The following SPEM2 variants were observed in gnomAD, a reference collection of about 807,000 sequenced individuals.
SPEM2 encodes the protein SPEM family member 2, also known as uncharacterized protein SPEM2.
Under a neutral mutation model 9.3 loss-of-function variants are expected in SPEM2, and 15 were observed. The observed-to-expected ratio is 1.62, with a 90% CI of 1.08 to 2.50. The LOEUF is 2.50. SPEM2 is among the 30% of genes most tolerant of loss of function. The pLI is 0.00. For missense variants in SPEM2, 678 were observed against 690.0 expected (o/e 0.98, Z 0.19); for synonymous variants, 268 against 272.4 (o/e 0.98, Z 0.16).
Position 7,425,658 on chromosome 17 carries a change from G to A in SPEM2, c.-31G>A, listed in dbSNP as rs773241498. ...GGCCGGGGGTGGGGGGCAGAGGGGG[G>A]TGGCCCAGGTGGCCCTAGGACCCCC... On this transcript the variant is annotated 5_prime_UTR_variant, in exon 1 of 3. The change creates a new upstream start codon in the 5' untranslated region. Transcript: ENST00000333870. 1.7e-5 allele frequency: 28 copies of A among 1,606,026 alleles called. No individual in the cohort carries two copies. Among genetic ancestry groups the A allele is most frequent in the Non-Finnish European group, 1.1e-5 (13 of 1,175,748 alleles).
rs1313621093 is a variant in SPEM2 at position 7,426,120 on chromosome 17, C to T, written c.197-68C>T. ...CTGACAATGGCCCTAGAAACCCAGGCCCCAGTGTTCCCAACCTTGAGCTCT... is the reference window on the plus strand; with the variant it reads ...CTGACAATGGCCCTAGAAACCCAGGTCCCAGTGTTCCCAACCTTGAGCTCT... On this transcript the variant is annotated intron_variant, in intron 2 of 2. Coordinates refer to ENST00000333870, the MANE Select transcript of SPEM2 (RefSeq NM_175734.5). The surrounding 1 kb of genome is among the most constrained non-coding windows in gnomAD (Gnocchi z 5.3). 2 of 1,612,742 alleles carry T rather than the reference C, an allele frequency of 1.2e-6. No individual in the cohort carries two copies. The highest frequency in any genetic ancestry group is 1.7e-6 in the Non-Finnish European group (2 of 1,178,924).
chr17:7,427,384 G>A lies in SPEM2; in HGVS notation c.1393G>A (p.Glu465Lys), dbSNP rs1907672363. 2 of 1,613,860 alleles carry A rather than the reference G, an allele frequency of 1.2e-6. No homozygotes were observed. The highest frequency in any genetic ancestry group is 2.7e-5 in the African/African-American group (2 of 74,922). Reference protein sequence around the residue: ...NANYQVYDSLELKRQVQKSRA... With the variant: ...NANYQVYDSLKLKRQVQKSRA... ...CAACTACCAGGTGTACGACAGCCTG[G>A]AGCTGAAGCGGCAGGTGCAGAAGAG... The change falls in exon 3 of 3, where the codon GAG becomes AAG. Residue 465 changes from glutamate to lysine, a missense_variant. Coordinates refer to ENST00000333870, the MANE Select transcript of SPEM2 (RefSeq NM_175734.5). The surrounding 1 kb of genome is among the most constrained non-coding windows in gnomAD (Gnocchi z 5.4).
In SPEM2 at chr17:7,426,798, C is replaced by T. The variant is rs377761393; in HGVS notation, c.807C>T (p.Gly269=). 6.2e-7 allele frequency: 1 copy of T among 1,604,140 alleles called. No individual in the cohort carries two copies. The highest frequency in any genetic ancestry group is 8.5e-7 in the Non-Finnish European group (1 of 1,174,492). ...ACGGTTCCCAATCCCGACTGTGGGG[C>T]AATGTGGAGGCTGAGCAGTGGGCCT... ...GRHGSQSRLW[G]NVEAEQWASS... Residue 269 remains glycine, a synonymous_variant, in exon 3 of 3, where the codon GGC becomes GGT. Coordinates refer to ENST00000333870, the MANE Select transcript of SPEM2 (RefSeq NM_175734.5). This position sits in a 1 kb window ranked among gnomAD's most constrained non-coding sequence, Gnocchi z 5.3.
In SPEM2 at chr17:7,427,281, G is replaced by A; in HGVS notation, c.1290G>A (p.Trp430Ter). The A allele has an allele frequency of 6.2e-7, 1 of 1,614,070 alleles. No homozygotes were observed. Among genetic ancestry groups the A allele is most frequent in the East Asian group, 2.2e-5 (1 of 44,866 alleles). Residue 430 changes from tryptophan (W) to a stop codon, truncating the protein, a stop_gained, in exon 3 of 3, where the codon TGG becomes TGA. Transcript: ENST00000333870. LOFTEE classifies it high-confidence loss of function. This position sits in a 1 kb window ranked among gnomAD's most constrained non-coding sequence, Gnocchi z 5.4. ...SVLVPHSSQP[W>*]PKVQAADPAP... Reference sequence around the variant, plus strand: ...TGGTCCCCCATTCCTCCCAGCCCTGGCCCAAAGTCCAGGCTGCGGACCCTG... The same window carrying A: ...TGGTCCCCCATTCCTCCCAGCCCTGACCCAAAGTCCAGGCTGCGGACCCTG...
chr17:7,427,257 G>C lies in SPEM2; in HGVS notation c.1266G>C (p.Leu422=), dbSNP rs777593959. 2 of 1,614,192 alleles carry C rather than the reference G, an allele frequency of 1.2e-6. No individual in the cohort carries two copies. The highest frequency in any genetic ancestry group is 1.7e-5 in the Admixed American group (1 of 60,018). ...GGACCCCAGCTCCAAGCTCAGTGCT[G>C]GTCCCCCATTCCTCCCAGCCCTGGC... The part of the protein sequence containing the change: ...HQRTPAPSSV[L]VPHSSQPWPK... Residue 422 remains leucine (L), a synonymous_variant, in exon 3 of 3, where the codon CTG becomes CTC. Transcript: ENST00000333870. The surrounding 1 kb of genome is among the most constrained non-coding windows in gnomAD (Gnocchi z 5.4).
chr17:7,425,745 C>T lies in SPEM2; in HGVS notation c.57C>T (p.Ser19=). 1.2e-6 allele frequency: 2 copies of T among 1,614,176 alleles called. No individual in the cohort carries two copies. Among genetic ancestry groups the T allele is most frequent in the Non-Finnish European group, 1.7e-6 (2 of 1,180,000 alleles). The change falls in exon 1 of 3, where the codon AGC becomes AGT. Residue 19 remains serine, a synonymous_variant. Transcript: ENST00000333870. Reference sequence around the variant, plus strand: ...GATGTTGCAATCAATACCAAGAAAGCCCCCACGATGCCGAGGACATCTTAC... The same window carrying T: ...GATGTTGCAATCAATACCAAGAAAGTCCCCACGATGCCGAGGACATCTTAC... ...TVRCCNQYQE[S]PHDAEDILLL...
chr17:7,427,139 G>A lies in SPEM2; in HGVS notation c.1148G>A (p.Arg383His), dbSNP rs372541199. ...TCCCAGGACCCCCGTGAGGTGCGGC[G>A]TCGGGCAGCTGACTGGGCTGAGGCT... The part of the protein sequence containing the change: ...YSSQDPREVR[R>H]RAADWAEALP... Residue 383 changes from arginine to histidine, a missense_variant, in exon 3 of 3, where the codon CGT becomes CAT. Arg to His is a conservative substitution (Grantham distance 29). Coordinates refer to ENST00000333870, the MANE Select transcript of SPEM2 (RefSeq NM_175734.5). This position sits in a 1 kb window ranked among gnomAD's most constrained non-coding sequence, Gnocchi z 5.4. The A allele has an allele frequency of 3.4e-5, 55 of 1,613,410 alleles. No individual in the cohort carries two copies. Among genetic ancestry groups the A allele is most frequent in the African/African-American group, 1.2e-4 (9 of 75,052 alleles).
Position 7,425,669 on chromosome 17 carries a change from G to A in SPEM2, c.-20G>A. 1.2e-6 allele frequency: 2 copies of A among 1,610,866 alleles called. No homozygotes were observed. Among genetic ancestry groups the A allele is most frequent in the Non-Finnish European group, 1.7e-6 (2 of 1,178,062 alleles). On this transcript the variant is annotated 5_prime_UTR_variant, in exon 1 of 3. Coordinates refer to ENST00000333870, the MANE Select transcript of SPEM2 (RefSeq NM_175734.5). ...GGGGGCAGAGGGGGGTGGCCCAGGTGGCCCTAGGACCCCCCCTCCATGGAA... is the reference window on the plus strand; with the variant it reads ...GGGGGCAGAGGGGGGTGGCCCAGGTAGCCCTAGGACCCCCCCTCCATGGAA...
In SPEM2 at chr17:7,427,339, C is replaced by T. The variant is rs201127764; in HGVS notation, c.1348C>T (p.Arg450Trp). Residue 450 changes from arginine (R) to tryptophan (W), a missense_variant, in exon 3 of 3, where the codon CGG becomes TGG. Transcript: ENST00000333870. This position sits in a 1 kb window ranked among gnomAD's most constrained non-coding sequence, Gnocchi z 5.4. ...PPPTMFVPLS[R>W]NPGGNANYQV... The stretch of plus-strand genomic sequence containing the variant: ...CCCGACCATGTTTGTCCCACTCAGC[C>T]GGAATCCAGGGGGCAATGCCAACTA... 115 of 1,614,094 alleles carry T rather than the reference C, an allele frequency of 7.1e-5. No homozygotes were observed. Among genetic ancestry groups the T allele is most frequent in the Middle Eastern group, 1.6e-4 (1 of 6,062 alleles).
In SPEM2 at chr17:7,425,700, G is replaced by A. The variant is rs756789922; in HGVS notation, c.12G>A (p.Gln4=). 6.2e-7 allele frequency: 1 copy of A among 1,613,886 alleles called. No homozygotes were observed. Among genetic ancestry groups the A allele is most frequent in the African/African-American group, 1.3e-5 (1 of 74,918 alleles). The change falls in exon 1 of 3, where the codon CAG becomes CAA. Residue 4 remains glutamine (Q), a synonymous_variant. Transcript: ENST00000333870. The stretch of plus-strand genomic sequence containing the variant: ...AGGACCCCCCCTCCATGGAAAACCA[G>A]CTATGGCATAACACCGTGAGATGTT... MEN[Q]LWHNTVRCCN...
In SPEM2 at chr17:7,426,303, C is replaced by A; in HGVS notation, c.312C>A (p.Tyr104Ter). The A allele has an allele frequency of 1.2e-6, 2 of 1,614,170 alleles. No homozygotes were observed. Among genetic ancestry groups the A allele is most frequent in the South Asian group, 2.2e-5 (2 of 91,084 alleles). ...TGAAGATGTCCCGACCCACGCAGTA[C>A]TCCTCTTTCTCCTGCCACCATTTCT... is the stretch of plus-strand genomic sequence containing the variant. ...VQVKMSRPTQ[Y>*]SSFSCHHFSN... The change falls in exon 3 of 3, where the codon TAC (tyrosine) becomes TAA (stop). Residue 104 changes from tyrosine to a stop codon, truncating the protein, a stop_gained. Transcript: ENST00000333870. LOFTEE classifies it low-confidence loss of function (END_TRUNC). This position sits in a 1 kb window ranked among gnomAD's most constrained non-coding sequence, Gnocchi z 5.3.
In SPEM2 at chr17:7,427,133, T is replaced by G; in HGVS notation, c.1142T>G (p.Val381Gly). 6.2e-7 allele frequency: 1 copy of G among 1,611,436 alleles called. No individual in the cohort carries two copies. The change falls in exon 3 of 3, where the codon GTG (valine) becomes GGG (glycine). Residue 381 changes from valine to glycine, a missense_variant. Transcript: ENST00000333870. This position sits in a 1 kb window ranked among gnomAD's most constrained non-coding sequence, Gnocchi z 5.4. ...LGYSSQDPRE[V>G]RRRAADWAEA... ...TACAGCTCCCAGGACCCCCGTGAGG[T>G]GCGGCGTCGGGCAGCTGACTGGGCT...
chr17:7,426,525 G>A lies in SPEM2; in HGVS notation c.534G>A (p.Gln178=). The change falls in exon 3 of 3, where the codon CAG becomes CAA. Residue 178 remains glutamine (Q), a synonymous_variant. Transcript: ENST00000333870. The surrounding 1 kb of genome is among the most constrained non-coding windows in gnomAD (Gnocchi z 5.3). Reference sequence around the variant, plus strand: ...TACACCGAGTGCCTTTCTTTGATCAGGAGGACCCGGATTCCTACCTGGAGG... The same window carrying A: ...TACACCGAGTGCCTTTCTTTGATCAAGAGGACCCGGATTCCTACCTGGAGG... ...SQLHRVPFFD[Q]EDPDSYLEEE... 6.2e-7 allele frequency: 1 copy of A among 1,614,134 alleles called. No homozygotes were observed. The highest frequency in any genetic ancestry group is 8.5e-7 in the Non-Finnish European group (1 of 1,180,040).
chr17:7,426,475 C>T lies in SPEM2; in HGVS notation c.484C>T (p.His162Tyr), dbSNP rs368240930. 9.3e-6 allele frequency: 15 copies of T among 1,613,910 alleles called. No homozygotes were observed. Among genetic ancestry groups the T allele is most frequent in the African/African-American group, 5.3e-5 (4 of 74,934 alleles). Residue 162 changes from histidine (H) to tyrosine (Y), a missense_variant, in exon 3 of 3, where the codon CAT becomes TAT. Physicochemically the swap from His to Tyr is moderately conservative, Grantham distance 83. Transcript: ENST00000333870. The surrounding 1 kb of genome is among the most constrained non-coding windows in gnomAD (Gnocchi z 5.3). ...TAGCCACTCAGTCTTCCGTAACCCACATCGCAGCCAAAAGATGTCACAACT... is the reference window on the plus strand; with the variant it reads ...TAGCCACTCAGTCTTCCGTAACCCATATCGCAGCCAAAAGATGTCACAACT... The part of the protein sequence containing the change: ...PHSHSVFRNP[H>Y]RSQKMSQLHR...
rs776244852 is a variant in SPEM2, at chr17:7,427,507, G to A, written c.*10G>A. ...CGAGAAACTCAACTGACCAGCAGGCGGATGTGGGGTGTGGGGCAGGGCATG... is the reference window on the plus strand; with the variant it reads ...CGAGAAACTCAACTGACCAGCAGGCAGATGTGGGGTGTGGGGCAGGGCATG... On this transcript the variant is annotated 3_prime_UTR_variant, in exon 3 of 3. Coordinates refer to ENST00000333870, the MANE Select transcript of SPEM2 (RefSeq NM_175734.5). The surrounding 1 kb of genome is among the most constrained non-coding windows in gnomAD (Gnocchi z 5.4). 1.9e-5 allele frequency: 30 copies of A among 1,556,362 alleles called. No individual in the cohort carries two copies. Among genetic ancestry groups the A allele is most frequent in the East Asian group, 1.6e-4 (7 of 44,328 alleles).
At position 7,427,028 on chromosome 17, in the gene SPEM2, A is replaced by G. The variant is rs1485153533; in HGVS notation, c.1037A>G (p.Gln346Arg). ...GGCTGCCGGGAGCACCACTCCCCAC[A>G]GTCCCACCAGCAGAGCCTGCTTGGT... Reference protein sequence around the residue: ...AQGCREHHSPQSHQQSLLGHA... With the variant: ...AQGCREHHSPRSHQQSLLGHA... Residue 346 changes from glutamine to arginine, a missense_variant, in exon 3 of 3, where the codon CAG (glutamine) becomes CGG (arginine). Physicochemically the swap from Gln to Arg is conservative, Grantham distance 43. Coordinates refer to ENST00000333870, the MANE Select transcript of SPEM2 (RefSeq NM_175734.5). This position sits in a 1 kb window ranked among gnomAD's most constrained non-coding sequence, Gnocchi z 5.4. 1 of 1,611,980 alleles carries G rather than the reference A, an allele frequency of 6.2e-7. No individual in the cohort carries two copies. The highest frequency in any genetic ancestry group is 1.1e-5 in the South Asian group (1 of 91,070).
In SPEM2 at chr17:7,427,494, C is replaced by T; in HGVS notation, c.1503C>T (p.Asn501=). 1 of 1,566,740 alleles carries T rather than the reference C, an allele frequency of 6.4e-7. No homozygotes were observed. Among genetic ancestry groups the T allele is most frequent in the Non-Finnish European group, 8.7e-7 (1 of 1,154,986 alleles). The change falls in exon 3 of 3, where the codon AAC becomes AAT. Residue 501 remains asparagine, a synonymous_variant. Coordinates refer to ENST00000333870, the MANE Select transcript of SPEM2 (RefSeq NM_175734.5). This position sits in a 1 kb window ranked among gnomAD's most constrained non-coding sequence, Gnocchi z 5.4. The part of the protein sequence containing the change: ...SLHRSQTEKL[N] The stretch of plus-strand genomic sequence containing the variant: ...ACAGGAGCCAGACCGAGAAACTCAA[C>T]TGACCAGCAGGCGGATGTGGGGTGT...
At position 7,425,781 on chromosome 17, in the gene SPEM2, G is replaced by A. The variant is rs894963921; in HGVS notation, c.93G>A (p.Leu31=). 3.7e-6 allele frequency: 6 copies of A among 1,614,198 alleles called. No homozygotes were observed. In the African/African-American group the frequency reaches 8.0e-5, roughly 22 times the overall value. The part of the protein sequence containing the change: ...HDAEDILLLL[L]GLIVLVNIGI... The stretch of plus-strand genomic sequence containing the variant: ...CCGAGGACATCTTACTCCTGCTGCT[G>A]GGCCTCATCGTTCTTGTCAACATTG... The change falls in exon 1 of 3, where the codon CTG becomes CTA. Residue 31 remains leucine, a synonymous_variant. Transcript: ENST00000333870.
chr17:7,426,992 C>A lies in SPEM2; in HGVS notation c.1001C>A (p.Pro334His). The A allele has an allele frequency of 6.2e-7, 1 of 1,611,710 alleles. No individual in the cohort carries two copies. Among genetic ancestry groups the A allele is most frequent in the South Asian group, 1.1e-5 (1 of 91,054 alleles). Residue 334 changes from proline (P) to histidine (H), a missense_variant, in exon 3 of 3, where the codon CCT (proline) becomes CAT (histidine). Transcript: ENST00000333870. The surrounding 1 kb of genome is among the most constrained non-coding windows in gnomAD (Gnocchi z 5.3). ...PPASVSRNAR[P>H]EAQGCREHHS... Reference sequence around the variant, plus strand: ...GCCTCGGTGTCCCGGAACGCCCGGCCTGAGGCCCAGGGCTGCCGGGAGCAC... The same window carrying A: ...GCCTCGGTGTCCCGGAACGCCCGGCATGAGGCCCAGGGCTGCCGGGAGCAC...
Sources: gnomAD v4.1 joint callset for allele counts on GRCh38, gnomAD v4.1.1 for gene constraint, Gnocchi (gnomAD v3.1) non-coding constraint, MANE v1.5 for transcripts, NCBI Gene and HGNC (gene_info 2026-07-23, HGNC 2026-07-21) for gene names.